The following CMIP variants were observed in gnomAD, a reference collection of about 807,000 sequenced individuals.
CMIP encodes the protein c-Maf inducing protein.
In CMIP, 13 loss-of-function variants were observed where a neutral mutation model predicts 97.3. The ratio of observed to expected loss-of-function variants is 0.13; its 90% CI spans 0.09 to 0.21. The LOEUF is 0.21. CMIP is among the 10% of genes least tolerant of loss of function. The pLI, the probability that CMIP is intolerant of heterozygous loss-of-function variation, is 1.00. For missense variants in CMIP, 847 were observed against 1,024.9 expected, an observed-to-expected ratio of 0.83 and a Z score of 2.37; for synonymous variants, 538 against 436.3, an observed-to-expected ratio of 1.23 and a Z score of -2.91.
intron 4 of CMIP, among the ~76,000 whole-genome samples, chr16:81,653,727 C>T (rs1333252683): frequency 3.3e-5 from 5 of 152,224 alleles, no homozygotes; most frequent in African/African-American, 1.2e-4. Context: ...GTTCTCCTGC[C>T]ACAGCCTCCC....
chr16:81,510,206 A>G, intron 1 of CMIP, among the ~76,000 whole-genome samples: 1 of 152,038 alleles, frequency 6.6e-6, no homozygotes, highest in Non-Finnish European at 1.5e-5. Flanking sequence ...TCAAGGTCTG[A>G]TCGGGGACGA....
In CMIP at chr16:81,445,212, C is replaced by T. The variant is rs1905751193; in HGVS notation, c.-30C>T. On this transcript the variant is annotated 5_prime_UTR_variant, in exon 1 of 21. Transcript: ENST00000537098. ...AGCAGCCCAGGACAGCCCCCTCTCC[C>T]CGCCCCCAGCCCCCTCCCCCGGCGC... is the stretch of plus-strand genomic sequence containing the variant. The T allele has an allele frequency of 1.4e-6, 2 of 1,458,222 alleles. No homozygotes were observed. The highest frequency in any genetic ancestry group is 1.8e-6 in the Non-Finnish European group (2 of 1,100,590). 90.3% of individuals were successfully genotyped at this position (1,458,222 alleles called of 1,614,324 possible). A position where few individuals can be genotyped will look rare whatever the true frequency, so the allele number is the denominator to read the frequency against.
At chr16:81,632,076 G>A (rs1429418333) in intron 3 of CMIP, 2 of 152,166 alleles carry the variant, frequency 1.3e-5, no homozygotes. Context: ...GACAAAATGT[G>A]CATGCCCTAA....
At chr16:81,587,894 C>T (rs1274466341) in intron 1 of CMIP, among the ~76,000 whole-genome samples, 1 of 152,216 alleles carries the variant, frequency 6.6e-6, no homozygotes. Flanking sequence ...TGTGCGGGTG[C>T]ATGAGTCAAG....
At chr16:81,500,876 A>G (rs1195996078) in intron 1 of CMIP, among the ~76,000 whole-genome samples, 1 of 151,824 alleles carries the variant, frequency 6.6e-6, no homozygotes, top group Admixed American at 6.6e-5. Flanking sequence ...GCATGTGCCA[A>G]GCCAAGCCTT....
chr16:81,660,770 G>C, intron 5 of CMIP, 114 bp from the exon 6 acceptor site: 1 of 1,063,496 alleles, frequency 9.4e-7, no homozygotes, highest in Non-Finnish European at 1.5e-6. Flanking sequence ...TGTGATGCAG[G>C]ATGTGTTGCT....
rs531215354 is a variant in CMIP, at chr16:81,642,795, C to T, written c.478-9408C>T. On this transcript the variant is annotated intron_variant, in intron 3 of 20. Coordinates refer to ENST00000537098, the MANE Select transcript of CMIP (RefSeq NM_198390.3). ...CCTGTAGTCCCAGCTACTCGGGAGG[C>T]GGAGGCAGGAGAATCGCTTGAACCC... 9.2e-5 allele frequency among the ~76,000 whole-genome samples: 14 copies of T among 152,162 alleles called. No homozygotes were observed. The South Asian group carries it at 2.7e-3, about 29-fold the overall frequency.
At chr16:81,504,825 T>C (rs2089679308) in intron 1 of CMIP, among the ~76,000 whole-genome samples, 1 of 152,182 alleles carries the variant, frequency 6.6e-6, no homozygotes, top group African/African-American at 2.4e-5. Flanking sequence ...AGTGAGGGTG[T>C]GGAACCCTTT....
At chr16:81,594,075 TC>T (rs1471162869) in intron 1 of CMIP, among the ~76,000 whole-genome samples, 23 of 47,288 alleles carry the variant, frequency 4.9e-4, no homozygotes, top group African/African-American at 1.9e-3. Context: ...CTCCCCCTCT[TC>T]CCCCGCTCCT....
Position 81,627,353 on chromosome 16 carries a change from T to C in CMIP, c.477+6427T>C, listed in dbSNP as rs1392543563. Among the ~76,000 whole-genome samples, 1 of 151,956 alleles carries C rather than the reference T, an allele frequency of 6.6e-6. No homozygotes were observed. The highest frequency in any genetic ancestry group is 1.5e-5 in the Non-Finnish European group (1 of 67,956). On this transcript the variant is annotated intron_variant, in intron 3 of 20. Coordinates refer to ENST00000537098, the MANE Select transcript of CMIP (RefSeq NM_198390.3). The surrounding 1 kb of genome is among the most constrained non-coding windows in gnomAD (Gnocchi z 4.6). ...ATCATGGCGTCTCGTCACTGGGCCG[T>C]GTGAGGATCGAAGGCTGTGTTGTTT...
chr16:81,563,577 A>C (rs1597566681), intron 1 of CMIP, among the ~76,000 whole-genome samples: 1 of 152,220 alleles, frequency 6.6e-6, no homozygotes, highest in Non-Finnish European at 1.5e-5. Flanking sequence ...ATACATGTGC[A>C]CATTAAAGCT....
chr16:81,604,370 G>A (rs1336101157), intron 1 of CMIP, among the ~76,000 whole-genome samples: 3 of 147,906 alleles, frequency 2.0e-5, no homozygotes, highest in Admixed American at 6.8e-5. Context: ...TACTCCAGTC[G>A]GGGTGACAAG....
At chr16:81,675,492 T>C (rs1011967190) in intron 9 of CMIP, among the ~76,000 whole-genome samples, 7 of 152,080 alleles carry the variant, frequency 4.6e-5, no homozygotes, top group African/African-American at 1.7e-4. Context: ...GTGCTGGGAT[T>C]ACAGGGGTGA....
chr16:81,624,241 A>C (rs2092030014), intron 3 of CMIP, among the ~76,000 whole-genome samples: 1 of 151,876 alleles, frequency 6.6e-6, no homozygotes. Flanking sequence ...TTTAAGTTTT[A>C]GGGTACGTGT....
intron 1 of CMIP, among the ~76,000 whole-genome samples, chr16:81,594,608 G>C (rs535391091): frequency 2.2e-4 from 34 of 151,746 alleles, no homozygotes; most frequent in African/African-American, 7.7e-4. Context: ...CTATGATAAA[G>C]TTTTTGTTTT....
chr16:81,661,143 A>G lies in CMIP; in HGVS notation c.744+197A>G, dbSNP rs574918392. On this transcript the variant is annotated intron_variant, in intron 6 of 20. Coordinates refer to ENST00000537098, the MANE Select transcript of CMIP (RefSeq NM_198390.3). ...CCACGTCTCTGCCAGACAGGTGACA[A>G]AGAGTCACAAGGGGAACATCTTGCT... Among the ~76,000 whole-genome samples, 13 of 152,336 alleles carry G rather than the reference A, an allele frequency of 8.5e-5. No individual in the cohort carries two copies. The East Asian group carries it at 1.9e-3, about 23-fold the overall frequency.
chr16:81,650,748 T>C (rs1357939265), intron 3 of CMIP, among the ~76,000 whole-genome samples: 1 of 152,202 alleles, frequency 6.6e-6, no homozygotes, highest in Non-Finnish European at 1.5e-5. Flanking sequence ...GTGGACCACA[T>C]GGGTCCAGGA....
intron 1 of CMIP, among the ~76,000 whole-genome samples, chr16:81,487,529 G>A (rs1273948879): frequency 6.6e-6 from 1 of 152,218 alleles, no homozygotes; most frequent in African/African-American, 2.4e-5. Flanking sequence ...GGCCCGCGTG[G>A]CTTCCAGGCA....
chr16:81,686,250 C>T (rs1032373041), intron 10 of CMIP, among the ~76,000 whole-genome samples: 2 of 152,140 alleles, frequency 1.3e-5, no homozygotes, highest in Admixed American at 6.5e-5. Context: ...GGTGATTCTT[C>T]TGGAGGGAAG....
Sources: gnomAD v4.1 joint callset for allele counts (sites outside exome capture counted in the v4.1 genomes callset) on GRCh38, gnomAD v4.1.1 for gene constraint, Gnocchi (gnomAD v3.1) non-coding constraint, MANE v1.5 for transcripts, NCBI Gene and HGNC (gene_info 2026-07-23, HGNC 2026-07-21) for gene names.